The following CACNG8 variants were observed in gnomAD, a reference collection of about 807,000 sequenced individuals.
CACNG8 encodes voltage-dependent calcium channel gamma-8 subunit.
A neutral mutation model predicts 26.9 loss-of-function variants in CACNG8; 5 were observed. That is an observed-to-expected ratio of 0.19 (90% CI 0.10 to 0.39). The LOEUF is 0.39. Ranked by LOEUF, CACNG8 falls within the 10% of genes least tolerant of loss-of-function variation. The probability of loss-of-function intolerance (pLI) is 1.00; values close to 1 mark genes in which losing one functional copy is unlikely to be tolerated. For synonymous variants in CACNG8, 321 were observed against 296.7 expected, an observed-to-expected ratio of 1.08 and a Z score of -0.84; for missense variants, 473 against 609.4, an observed-to-expected ratio of 0.78 and a Z score of 2.36.
At position 53,982,986 on chromosome 19, in the gene CACNG8, C is replaced by A; in HGVS notation, c.*137C>A. Reference sequence around the variant, plus strand: ...ACTGCTGGGCCCGCCCCACGCCCACCCTCCCCGCCCCCCTCCCCCTCCGAA... The same window carrying A: ...ACTGCTGGGCCCGCCCCACGCCCACACTCCCCGCCCCCCTCCCCCTCCGAA... On this transcript the variant is annotated 3_prime_UTR_variant, in exon 4 of 4. Transcript: ENST00000270458. This position sits in a 1 kb window ranked among gnomAD's most constrained non-coding sequence, Gnocchi z 8.4. 2.3e-6 allele frequency: 1 copy of A among 434,496 alleles called. No individual in the cohort carries two copies. Among genetic ancestry groups the A allele is most frequent in the Non-Finnish European group, 3.5e-6 (1 of 286,492 alleles). 26.9% of individuals were successfully genotyped at this position (434,496 alleles called of 1,614,324 possible). A position where few individuals can be genotyped will look rare whatever the true frequency, so the allele number is the denominator to read the frequency against.
intron 1 of CACNG8, among the ~76,000 whole-genome samples, chr19:53,972,573 G>A (rs1012775734): frequency 6.6e-6 from 1 of 151,210 alleles, no homozygotes; most frequent in South Asian, 2.1e-4. Context: ...CATTGGCCAG[G>A]CTGGTCTCGA....
At chr19:53,978,389 T>C (rs958972614) in intron 2 of CACNG8, among the ~76,000 whole-genome samples, 160 bp downstream of exon 2, 11 of 152,144 alleles carry the variant, frequency 7.2e-5, no homozygotes, top group African/African-American at 2.2e-4. Flanking sequence ...TGAGATCCTC[T>C]GGTCCCCGAT....
In CACNG8 at chr19:53,963,120, C is replaced by T. The variant is rs1220881196; in HGVS notation, c.-23C>T. The T allele has an allele frequency of 1.4e-6, 2 of 1,447,264 alleles. No individual in the cohort carries two copies. The highest frequency in any genetic ancestry group is 1.8e-6 in the Non-Finnish European group (2 of 1,096,344). The allele number at this position is 1,447,264 out of a possible 1,614,324, so 89.7% of individuals were successfully genotyped here. ...CCGCTGCCCCGGTGGTGGCCCACGG[C>T]CCCCCGGCTGCCCGTGGTCAAACTG... On this transcript the variant is annotated 5_prime_UTR_variant, in exon 1 of 4. Transcript: ENST00000270458.
In CACNG8 at chr19:53,963,431, G is replaced by A. The variant is rs2069254594; in HGVS notation, c.283+6G>A. ...GAGGATCTGCTGCCTGGAAGGTAGG[G>A]TGCGGGCGGCCCTCCCCGCAGCCCC... On this transcript the variant is annotated splice_donor_region_variant and intron_variant, in intron 1 of 3. Coordinates refer to ENST00000270458, the MANE Select transcript of CACNG8 (RefSeq NM_031895.6). 6.9e-7 allele frequency: 1 copy of A among 1,444,412 alleles called. No homozygotes were observed. The highest frequency in any genetic ancestry group is 9.0e-7 in the Non-Finnish European group (1 of 1,105,454). The allele number at this position is 1,444,412 out of a possible 1,614,324, so 89.5% of individuals were successfully genotyped here. A position where few individuals can be genotyped will look rare whatever the true frequency, so the allele number is the denominator to read the frequency against.
At chr19:53,968,682 C>G (rs1028443394) in intron 1 of CACNG8, among the ~76,000 whole-genome samples, 1 of 148,800 alleles carries the variant, frequency 6.7e-6, no homozygotes, top group Non-Finnish European at 1.5e-5. Flanking sequence ...GCAGGAGAAT[C>G]CCTTTAACCC....
intron 1 of CACNG8, among the ~76,000 whole-genome samples, chr19:53,977,079 C>T (rs61146575): frequency 0.015 from 2,220 of 152,320 alleles, 59 homozygotes; most frequent in African/African-American, 0.05. Flanking sequence ...CAGGAACTCT[C>T]AGCTTACCGA....
rs910046528 is a variant in CACNG8, at chr19:53,986,521, T to G, written c.*3672T>G. On this transcript the variant is annotated 3_prime_UTR_variant, in exon 4 of 4. Coordinates refer to ENST00000270458, the MANE Select transcript of CACNG8 (RefSeq NM_031895.6). ...TGGGAGGCCGAGGCTGGTGGATCACTTGAGGTCAGGAGTTCGAGACCAGCC... is the reference window on the plus strand; with the variant it reads ...TGGGAGGCCGAGGCTGGTGGATCACGTGAGGTCAGGAGTTCGAGACCAGCC... The G allele has an allele frequency of 6.6e-6, 1 of 152,080 alleles. No individual in the cohort carries two copies. Among genetic ancestry groups the G allele is most frequent in the Non-Finnish European group, 1.5e-5 (1 of 68,016 alleles). 9.4% of individuals were successfully genotyped at this position (152,080 alleles called of 1,614,324 possible).
At chr19:53,969,790 T>C (rs1186022577) in intron 1 of CACNG8, among the ~76,000 whole-genome samples, 3 of 152,206 alleles carry the variant, frequency 2.0e-5, no homozygotes, top group Admixed American at 6.5e-5. Flanking sequence ...GCTCGGAGGC[T>C]GCTCTGCCTA....
intron 2 of CACNG8, 146 bp from the exon 3 acceptor site, chr19:53,979,721 G>A (rs2069352599): frequency 2.6e-6 from 2 of 765,476 alleles, no homozygotes; most frequent in East Asian, 6.5e-5. Context: ...TGAGGCAACA[G>A]TAAAATAAAC....
intron 3 of CACNG8, among the ~76,000 whole-genome samples, chr19:53,981,338 C>T (rs2069366712): frequency 6.6e-6 from 1 of 151,772 alleles, no homozygotes; most frequent in South Asian, 2.1e-4. Flanking sequence ...GGTTTTAGAC[C>T]AGTCAGGGCA....
At position 53,982,371 on chromosome 19, in the gene CACNG8, G is replaced by T; in HGVS notation, c.800G>T (p.Arg267Leu). ...GCCATCCTCCGTCTGCCCAGTTACC[G>T]CTTCCGCTACCGCCGCCGCTCCCGC... is the stretch of plus-strand genomic sequence containing the variant. Residue 267 changes from arginine (R) to leucine (L), a missense_variant, in exon 4 of 4, where the codon CGC becomes CTC. Transcript: ENST00000270458. The surrounding 1 kb of genome is among the most constrained non-coding windows in gnomAD (Gnocchi z 8.4). The T allele has an allele frequency of 1.3e-6, 2 of 1,533,422 alleles. No individual in the cohort carries two copies. Among genetic ancestry groups the T allele is most frequent in the Non-Finnish European group, 1.7e-6 (2 of 1,145,374 alleles). The allele number at this position is 1,533,422 out of a possible 1,614,324, so 95.0% of individuals were successfully genotyped here.
chr19:53,978,097 C>T (rs769678414), intron 1 of CACNG8, 49 bp from the exon 2 acceptor site: 1 of 1,340,646 alleles, frequency 7.5e-7, no homozygotes, highest in Non-Finnish European at 1.1e-6. Flanking sequence ...TTGCCCCGCC[C>T]CCAACCCTGA....
intron 1 of CACNG8, among the ~76,000 whole-genome samples, chr19:53,970,078 A>G (rs879525635): frequency 1.3e-5 from 2 of 152,196 alleles, no homozygotes; most frequent in Non-Finnish European, 2.9e-5. Flanking sequence ...GCACTTTGGG[A>G]GGCCGAGGCG....
At chr19:53,964,537 C>T (rs1210278466) in intron 1 of CACNG8, among the ~76,000 whole-genome samples, 2 of 152,072 alleles carry the variant, frequency 1.3e-5, no homozygotes, top group African/African-American at 4.8e-5. Context: ...CTCGATGCCT[C>T]AGGCCTTCAC....
intron 1 of CACNG8, among the ~76,000 whole-genome samples, chr19:53,972,248 G>A (rs995264818): frequency 2.6e-5 from 4 of 151,540 alleles, no homozygotes; most frequent in Admixed American, 2.0e-4. Flanking sequence ...TGCCCACCTC[G>A]CCCTCACAAA....
rs1346211353 is a variant in CACNG8, at chr19:53,982,138, C to T, written c.567C>T (p.Gly189=). 1.9e-6 allele frequency: 3 copies of T among 1,611,076 alleles called. No individual in the cohort carries two copies. The highest frequency in any genetic ancestry group is 2.2e-5 in the East Asian group (1 of 44,712). The change falls in exon 4 of 4, where the codon GGC becomes GGT. Residue 189 remains glycine (G), a synonymous_variant. Coordinates refer to ENST00000270458, the MANE Select transcript of CACNG8 (RefSeq NM_031895.6). The surrounding 1 kb of genome is among the most constrained non-coding windows in gnomAD (Gnocchi z 8.4). ...TCTCCGCCAACGCGGGCGAGCCGGG[C>T]CCGAAGCGGGACGAGGAGAAGAAAA...
chr19:53,974,395 G>A (rs2069319040), intron 1 of CACNG8, among the ~76,000 whole-genome samples: 1 of 152,146 alleles, frequency 6.6e-6, no homozygotes, highest in Admixed American at 6.6e-5. Context: ...TTTGGCTATT[G>A]TGAAAAATGC....
chr19:53,963,391 G>A lies in CACNG8; in HGVS notation c.249G>A (p.Thr83=), dbSNP rs2069254403. 1.3e-6 allele frequency: 2 copies of A among 1,574,622 alleles called. No individual in the cohort carries two copies. The highest frequency in any genetic ancestry group is 1.1e-5 in the South Asian group (1 of 88,394). ...AGAAGAAGGACCCCGGCGGCCTCAC[G>A]CACTCGGGCCTCTGGAGGATCTGCT... The change falls in exon 1 of 4, where the codon ACG becomes ACA. Residue 83 remains threonine (T), a synonymous_variant. Transcript: ENST00000270458.
chr19:53,979,448 T>C (rs886659644), intron 2 of CACNG8, among the ~76,000 whole-genome samples: 2 of 141,504 alleles, frequency 1.4e-5, no homozygotes, highest in African/African-American at 2.7e-5. Flanking sequence ...TGGGAGGGGG[T>C]GTGGAGAGAG....
Sources: allele counts gnomAD v4.1 joint callset (sites outside exome capture counted in the v4.1 genomes callset), GRCh38; gene constraint gnomAD v4.1.1; non-coding constraint Gnocchi (gnomAD v3.1); transcripts MANE v1.5; gene names NCBI Gene and HGNC (gene_info 2026-07-23, HGNC 2026-07-21).